The following NKAIN3 variants were observed in gnomAD, a reference collection of about 807,000 sequenced individuals.
The protein encoded by NKAIN3 is sodium/potassium-transporting ATPase subunit beta-1-interacting protein 3.
NKAIN3 carries 25 observed loss-of-function variants against 30.2 expected under a neutral mutation model. The observed-to-expected ratio is 0.83, with a 90% CI of 0.60 to 1.16. The LOEUF (loss-of-function observed/expected upper bound fraction) is 1.16, where lower values mean the gene tolerates loss of function less well. Ranked by LOEUF, NKAIN3 falls within the 50% of genes most tolerant of loss-of-function variation. The pLI, the probability that NKAIN3 is intolerant of heterozygous loss-of-function variation, is 0.00. For missense variants in NKAIN3, 225 were observed against 254.1 expected, an observed-to-expected ratio of 0.89 and a Z score of 0.78; for synonymous variants, 91 against 89.6, an observed-to-expected ratio of 1.02 and a Z score of -0.09.
At chr8:62,987,685 GA>G (rs1354688275), downstream of NKAIN3, among the ~76,000 whole-genome samples, 1 of 151,920 alleles carries the variant, frequency 6.6e-6, no homozygotes, top group African/African-American at 2.4e-5. Context: ...TAACACATGG[GA>G]ATTATGACAG....
chr8:62,356,463 T>C, intron 1 of NKAIN3, among the ~76,000 whole-genome samples: 1 of 152,194 alleles, frequency 6.6e-6, no homozygotes, highest in East Asian at 1.9e-4. Flanking sequence ...TCTATCTTGA[T>C]TGTTGGCACC....
intron 4 of NKAIN3, among the ~76,000 whole-genome samples, chr8:62,883,457 G>GTTTTTGTTTTTTTT (rs1821053534): frequency 1.4e-5 from 1 of 70,224 alleles, no homozygotes; most frequent in Non-Finnish European, 2.4e-5. Context: ...AGTTTTATGG[G>GTTTTTGTTTTTTTT]TTTTTTTTTT....
intron 3 of NKAIN3, among the ~76,000 whole-genome samples, chr8:62,724,018 G>C (rs564756737): frequency 3.3e-5 from 5 of 152,026 alleles, no homozygotes; most frequent in African/African-American, 1.2e-4. Context: ...TGTGTTATAG[G>C]ACTAATGATT....
intron 1 of NKAIN3, among the ~76,000 whole-genome samples, chr8:62,548,490 C>T (rs2129923983): frequency 6.6e-6 from 1 of 152,242 alleles, no homozygotes; most frequent in African/African-American, 2.4e-5. Context: ...TTACGCTGCA[C>T]TGACAGCCAG....
rs574321086 is a variant in NKAIN3, at chr8:62,460,622, A to C, written c.55-118917A>C. Among the ~76,000 whole-genome samples, 3 of 152,268 alleles carry C rather than the reference A, an allele frequency of 2.0e-5. No individual in the cohort carries two copies. The South Asian group carries it at 6.2e-4, about 32-fold the overall frequency. On this transcript the variant is annotated intron_variant, in intron 1 of 6. Transcript: ENST00000623646. The stretch of plus-strand genomic sequence containing the variant: ...ATCTACAACAGTATTGATAAAGAAG[A>C]GCTCACATTCTCACTGCAGCCTGGC...
chr8:62,703,937 G>T (rs1273315514), intron 3 of NKAIN3, among the ~76,000 whole-genome samples: 1 of 152,022 alleles, frequency 6.6e-6, no homozygotes, highest in African/African-American at 2.4e-5. Context: ...TGTAGCATTT[G>T]CTCTCTGTTC....
chr8:62,740,432 T>A (rs1815826885), intron 3 of NKAIN3, among the ~76,000 whole-genome samples: 1 of 152,074 alleles, frequency 6.6e-6, no homozygotes, highest in African/African-American at 2.4e-5. Flanking sequence ...ATGAATGCAA[T>A]AACTTTTTGA....
intron 1 of NKAIN3, among the ~76,000 whole-genome samples, chr8:62,437,667 T>C (rs191156367): frequency 5.3e-5 from 8 of 152,284 alleles, no homozygotes; most frequent in Non-Finnish European, 1.2e-4. Flanking sequence ...ACCTGTGAAC[T>C]TAGAAATATA....
chr8:62,709,283 G>A (rs1814640055), intron 3 of NKAIN3, among the ~76,000 whole-genome samples: 1 of 152,044 alleles, frequency 6.6e-6, no homozygotes, highest in Non-Finnish European at 1.5e-5. Context: ...GTGGAATAGT[G>A]TCGAAAGGAT....
chr8:62,990,929 A>T (rs1373170414), intron 5 of NKAIN3: 2 of 152,216 alleles, frequency 1.3e-5, no homozygotes, highest in Non-Finnish European at 2.9e-5. Context: ...GGGGAAAAGG[A>T]TGTGAGATCA....
chr8:62,463,635 C>G (rs752742348), intron 1 of NKAIN3, among the ~76,000 whole-genome samples: 6 of 152,036 alleles, frequency 3.9e-5, no homozygotes, highest in Non-Finnish European at 5.9e-5. Context: ...TGCAATTTTT[C>G]TTTTGCTTTG....
chr8:62,359,334 C>T (rs1446786457), intron 1 of NKAIN3, among the ~76,000 whole-genome samples: 1 of 152,182 alleles, frequency 6.6e-6, no homozygotes, highest in African/African-American at 2.4e-5. Flanking sequence ...GACACAGTTA[C>T]AGACAGATGG....
intron 4 of NKAIN3, among the ~76,000 whole-genome samples, chr8:62,870,290 A>ATCTATATC (rs1820583747): frequency 1.2e-5 from 1 of 84,852 alleles, no homozygotes; most frequent in Non-Finnish European, 2.4e-5. Context: ...AAATATCTAT[A>ATCTATATC]GATATATATA....
chr8:62,678,698 T>C (rs1208343180), intron 3 of NKAIN3, among the ~76,000 whole-genome samples: 1 of 150,362 alleles, frequency 6.7e-6, no homozygotes, highest in Non-Finnish European at 1.5e-5. Flanking sequence ...ATTATATTGA[T>C]AATATAATAT....
In NKAIN3 at chr8:62,513,296, GA is replaced by G. The variant is rs544525914; in HGVS notation, c.55-66241del. Among the ~76,000 whole-genome samples, 36 of 151,370 alleles carry G rather than the reference GA, an allele frequency of 2.4e-4. No individual in the cohort carries two copies. In the South Asian group the frequency reaches 7.3e-3, roughly 31 times the overall value. On this transcript the variant is annotated intron_variant, in intron 1 of 6. Coordinates refer to ENST00000623646, the MANE Select transcript of NKAIN3 (RefSeq NM_001304533.3). ...GCCTTTGACTGCAACTAGATGGACT[GA>G]AGCTAAATGCAACTATCTCCGTCAG... is the stretch of plus-strand genomic sequence containing the variant.
At chr8:62,617,407 A>G (rs1216463818) in intron 3 of NKAIN3, among the ~76,000 whole-genome samples, 1 of 152,162 alleles carries the variant, frequency 6.6e-6, no homozygotes, top group African/African-American at 2.4e-5. Flanking sequence ...TTACTAACCC[A>G]TTGAGAAAAG....
intron 1 of NKAIN3, among the ~76,000 whole-genome samples, chr8:62,495,903 G>C (rs1038108682): frequency 3.3e-5 from 5 of 152,098 alleles, no homozygotes; most frequent in Admixed American, 2.0e-4. Flanking sequence ...AAGCTCTTCA[G>C]TGATGGAGCC....
intron 1 of NKAIN3, among the ~76,000 whole-genome samples, chr8:62,541,422 G>T (rs980668538): frequency 6.6e-6 from 1 of 152,150 alleles, no homozygotes. Context: ...CCTGGCCCAA[G>T]TTAATAGAAT....
At chr8:62,267,792 T>C (rs1206967335) in intron 1 of NKAIN3, among the ~76,000 whole-genome samples, 6 of 152,220 alleles carry the variant, frequency 3.9e-5, no homozygotes, top group Non-Finnish European at 8.8e-5. Context: ...TGAAAATATG[T>C]CCCATAGATT....
Sources: gnomAD v4.1 joint callset for allele counts (sites outside exome capture counted in the v4.1 genomes callset) on GRCh38, gnomAD v4.1.1 for gene constraint, MANE v1.5 for transcripts, NCBI Gene and HGNC (gene_info 2026-07-23, HGNC 2026-07-21) for gene names.